Variants in AUTS2 observed in about 807,000 individuals in gnomAD.
AUTS2 encodes the protein activator of transcription and developmental regulator AUTS2.
In AUTS2, 17 loss-of-function variants were observed where a neutral mutation model predicts 112.4. The ratio of observed to expected loss-of-function variants is 0.15; its 90% CI spans 0.10 to 0.23. The LOEUF (loss-of-function observed/expected upper bound fraction) is 0.23, where lower values mean the gene tolerates loss of function less well. Among genes scored for constraint, AUTS2 ranks in the 10% least tolerant of loss-of-function variants. AUTS2 has a pLI of 1.00. For missense variants in AUTS2, 1,510 were observed against 1,701.6 expected (o/e 0.89, Z 1.98); for synonymous variants, 751 against 702.7 (o/e 1.07, Z -1.09).
chr7:70,601,925 G>A (rs980013360), intron 5 of AUTS2, among the ~76,000 whole-genome samples: 2 of 152,146 alleles, frequency 1.3e-5, no homozygotes, highest in Non-Finnish European at 2.9e-5. Flanking sequence ...CTTGAAGAGT[G>A]TGATTTATTC....
chr7:69,834,676 C>A (rs10216097), intron 1 of AUTS2, among the ~76,000 whole-genome samples: 11,557 of 152,188 alleles, frequency 0.076, 594 homozygotes, highest in African/African-American at 0.14. Context: ...AAACTCAAAC[C>A]AAGCCTTGAT....
At chr7:69,953,002 G>A (rs1584486435) in intron 2 of AUTS2, among the ~76,000 whole-genome samples, 2 of 152,116 alleles carry the variant, frequency 1.3e-5, no homozygotes, top group African/African-American at 2.4e-5. Flanking sequence ...CTCAAGTTGT[G>A]TAGCCATGAC....
chr7:70,665,080 A>G (rs1807259836), intron 5 of AUTS2, among the ~76,000 whole-genome samples: 1 of 152,108 alleles, frequency 6.6e-6, no homozygotes, highest in African/African-American at 2.4e-5. Context: ...CTCAAAAGAA[A>G]GAGAAAAAAA....
intron 6 of AUTS2, among the ~76,000 whole-genome samples, chr7:70,701,886 T>G (rs918145675): frequency 6.6e-6 from 1 of 152,228 alleles, no homozygotes; most frequent in Non-Finnish European, 1.5e-5. Context: ...ATTTTCCCAC[T>G]GAGACAGAGG....
chr7:69,875,305 A>G (rs550904686), intron 1 of AUTS2, among the ~76,000 whole-genome samples: 2 of 152,256 alleles, frequency 1.3e-5, no homozygotes, highest in African/African-American at 4.8e-5. Flanking sequence ...GTGTATCTAA[A>G]TGGTACTAGT....
At chr7:69,668,604 G>A (rs1481446183) in intron 1 of AUTS2, among the ~76,000 whole-genome samples, 1 of 152,122 alleles carries the variant, frequency 6.6e-6, no homozygotes, top group Non-Finnish European at 1.5e-5. Flanking sequence ...CAACCAATTT[G>A]CTTATAGTTC....
At chr7:69,636,299 C>T (rs1004592118) in intron 1 of AUTS2, among the ~76,000 whole-genome samples, 7 of 152,124 alleles carry the variant, frequency 4.6e-5, no homozygotes, top group African/African-American at 1.2e-4. Context: ...AGAGCAATCT[C>T]GGCTTACTGC....
intron 2 of AUTS2, among the ~76,000 whole-genome samples, chr7:70,008,920 T>C (rs1000303173): frequency 2.0e-5 from 3 of 152,196 alleles, no homozygotes; most frequent in Non-Finnish European, 2.9e-5. Flanking sequence ...CATATAGATA[T>C]GGTTTTTATC....
intron 1 of AUTS2, among the ~76,000 whole-genome samples, chr7:69,625,940 G>A (rs922024611): frequency 6.6e-6 from 1 of 152,168 alleles, no homozygotes; most frequent in Admixed American, 6.5e-5. Context: ...AATTAGGGTT[G>A]TAGAGAAGAC....
chr7:70,582,233 G>A (rs1802485210), intron 5 of AUTS2, among the ~76,000 whole-genome samples: 1 of 151,876 alleles, frequency 6.6e-6, no homozygotes, highest in Non-Finnish European at 1.5e-5. Context: ...TTTTATGAAA[G>A]CCTCACACAG....
chr7:70,598,524 G>A lies in AUTS2; in HGVS notation c.691-100045G>A, dbSNP rs183381484. Among the ~76,000 whole-genome samples the A allele has an allele frequency of 1.1e-4, 17 of 152,152 alleles. No homozygotes were observed. The East Asian group carries it at 2.1e-3, about 19-fold the overall frequency. On this transcript the variant is annotated intron_variant, in intron 5 of 18. Coordinates refer to ENST00000342771, the MANE Select transcript of AUTS2 (RefSeq NM_015570.4). ...TGATTAAAGATCACAACTTCATATCGCTCCTTTTTCCCTATGCATTTGCCG... is the reference window on the plus strand; with the variant it reads ...TGATTAAAGATCACAACTTCATATCACTCCTTTTTCCCTATGCATTTGCCG...
intron 1 of AUTS2, among the ~76,000 whole-genome samples, chr7:69,800,366 GA>G (rs1790029853): frequency 6.6e-6 from 1 of 152,190 alleles, no homozygotes. Context: ...GGAAGCGGTT[GA>G]GCTGGTAGAA....
At chr7:69,708,904 A>G (rs1798182639) in intron 1 of AUTS2, among the ~76,000 whole-genome samples, 1 of 152,218 alleles carries the variant, frequency 6.6e-6, no homozygotes, top group Non-Finnish European at 1.5e-5. Flanking sequence ...CTGTAGAGAC[A>G]TGAACATTTA....
At chr7:70,432,436 C>T (rs908955012) in intron 4 of AUTS2, among the ~76,000 whole-genome samples, 1 of 152,178 alleles carries the variant, frequency 6.6e-6, no homozygotes, top group Non-Finnish European at 1.5e-5. Flanking sequence ...GAAAGCTATA[C>T]AGTGTATTAA....
intron 14 of AUTS2, among the ~76,000 whole-genome samples, chr7:70,778,180 A>G (rs1374213614): frequency 6.6e-6 from 1 of 152,204 alleles, no homozygotes; most frequent in Non-Finnish European, 1.5e-5. Flanking sequence ...AAGTCCCTGG[A>G]TACAGCATCA....
chr7:70,744,723 A>G (rs1788339560), intron 6 of AUTS2, among the ~76,000 whole-genome samples: 1 of 152,172 alleles, frequency 6.6e-6, no homozygotes, highest in Non-Finnish European at 1.5e-5. Context: ...TGCTTCTGAC[A>G]GTGTCTTTGT....
intron 2 of AUTS2, among the ~76,000 whole-genome samples, chr7:69,932,275 G>A (rs1796254259): frequency 6.6e-6 from 1 of 152,090 alleles, no homozygotes; most frequent in Admixed American, 6.6e-5. Flanking sequence ...TCCAGCTCTC[G>A]GCCTTCTTTC....
chr7:69,753,888 C>A (rs975279708), intron 1 of AUTS2, among the ~76,000 whole-genome samples: 2 of 152,146 alleles, frequency 1.3e-5, no homozygotes, highest in Admixed American at 1.3e-4. Flanking sequence ...TGCATGGGGG[C>A]TTGTGATTAA....
chr7:70,636,828 G>GA (rs766199673), intron 5 of AUTS2, among the ~76,000 whole-genome samples: 19 of 151,398 alleles, frequency 1.3e-4, no homozygotes, highest in South Asian at 4.2e-4. Flanking sequence ...TTTTTTAAGA[G>GA]ATGGGGGTCT....
Sources: allele counts gnomAD v4.1 joint callset (sites outside exome capture counted in the v4.1 genomes callset), GRCh38; gene constraint gnomAD v4.1.1; transcripts MANE v1.5; gene names NCBI Gene and HGNC (gene_info 2026-07-23, HGNC 2026-07-21).